The following RNF166 variants were observed in gnomAD, a reference collection of about 807,000 sequenced individuals.
RNF166 encodes E3 ubiquitin-protein ligase RNF166.
RNF166 carries 19 observed loss-of-function variants against 29.4 expected under a neutral mutation model. The ratio of observed to expected loss-of-function variants is 0.65; its 90% confidence interval spans 0.45 to 0.95. The LOEUF is 0.95. RNF166 is among the 40% of genes least tolerant of loss of function. The pLI, the probability that RNF166 is intolerant of heterozygous loss-of-function variation, is 0.00. For synonymous variants in RNF166, 171 were observed against 134.5 expected (o/e 1.27, Z -1.88); for missense variants, 347 against 322.1 (o/e 1.08, Z -0.59).
intron 5 of RNF166, chr16:88,698,125 G>A (rs1399037826): frequency 1.4e-5 from 8 of 589,868 alleles, no homozygotes; most frequent in Non-Finnish European, 2.1e-5. Context: ...CCTGACCCGC[G>A]GCGGGTGGGA....
Position 88,702,976 on chromosome 16 carries a change from C to T in RNF166, c.156-1558G>A, listed in dbSNP as rs550156622. The T allele has an allele frequency of 4.7e-4, 467 of 985,530 alleles. No homozygotes were observed. The African/African-American group carries it at 5.6e-3, about 12-fold the overall frequency. 61.0% of individuals were successfully genotyped at this position (985,530 alleles called of 1,614,324 possible). A position where few individuals can be genotyped will look rare whatever the true frequency, so the allele number is the denominator to read the frequency against. ...GAGAAGCGGAAGCAGCTCAGGTGCC[C>T]GTCGGTAAACGGATGAAGAGACGGC... On this transcript the variant is annotated intron_variant, in intron 1 of 5. Coordinates refer to ENST00000312838, the MANE Select transcript of RNF166 (RefSeq NM_178841.4).
At chr16:88,701,772 G>C in intron 1 of RNF166, 1 of 256,818 alleles carries the variant, frequency 3.9e-6, no homozygotes. Context: ...ACAACACCTG[G>C]GTGGGCTGTG....
intron 2 of RNF166, 35 bp downstream of exon 2, chr16:88,701,227 A>T (rs1910191866): frequency 6.2e-7 from 1 of 1,612,482 alleles, no homozygotes; most frequent in Non-Finnish European, 8.5e-7. Context: ...CCATCAAGTG[A>T]CCCCGGCTCC....
At chr16:88,703,573 C>A (rs2142669872) in intron 1 of RNF166, 5 of 985,412 alleles carry the variant, frequency 5.1e-6, no homozygotes, top group Non-Finnish European at 6.0e-6. Context: ...GGCCTAGTTT[C>A]CAGTGACTGC....
chr16:88,703,714 G>A (rs745914895), intron 1 of RNF166: 7 of 985,406 alleles, frequency 7.1e-6, no homozygotes, highest in Non-Finnish European at 8.4e-6. Flanking sequence ...AGGGCGATGG[G>A]TGTGGGGGCG....
At position 88,706,257 on chromosome 16, in the gene RNF166, G is replaced by T; in HGVS notation, c.69C>A (p.Gly23=). The T allele has an allele frequency of 7.7e-7, 1 of 1,297,276 alleles. No homozygotes were observed. The highest frequency in any genetic ancestry group is 9.8e-7 in the Non-Finnish European group (1 of 1,020,440). 80.4% of individuals were successfully genotyped at this position (1,297,276 alleles called of 1,614,324 possible). The change falls in exon 1 of 6, where the codon GGC becomes GGA. Residue 23 remains glycine (G), a synonymous_variant. Coordinates refer to ENST00000312838, the MANE Select transcript of RNF166 (RefSeq NM_178841.4). The stretch of plus-strand genomic sequence containing the variant: ...TGTACTGCGCCTCCAGGCCGCTGTC[G>T]CCGCCCGCCGGCCCGGCCGGCGGCT... ...QRQPPAGPAG[G]DSGLEAQYTC...
chr16:88,699,145 G>C (rs1054812936), intron 3 of RNF166, 60 bp from the exon 4 acceptor site: 1 of 1,186,490 alleles, frequency 8.4e-7, no homozygotes, highest in South Asian at 1.3e-5. Flanking sequence ...CTGCCTCCCC[G>C]CTTCTCTCAA....
intron 1 of RNF166, 137 bp from the exon 2 acceptor site, chr16:88,701,555 G>T: frequency 1.2e-6 from 1 of 825,462 alleles, no homozygotes. Context: ...CGCCGTCTCT[G>T]GAGATGGTCA....
chr16:88,700,633 C>A, intron 2 of RNF166: 1 of 986,690 alleles, frequency 1.0e-6, no homozygotes, highest in East Asian at 1.1e-4. Context: ...GCTGCTCAGT[C>A]CTCCGGAAGC....
At chr16:88,698,470 G>T (rs1038751290) in intron 5 of RNF166, 32 bp downstream of exon 5, 1 of 1,501,850 alleles carries the variant, frequency 6.7e-7, no homozygotes, top group Non-Finnish European at 9.1e-7. Context: ...TGAGGAGGGC[G>T]TGGGGGAGGA....
Position 88,699,645 on chromosome 16 carries a change from C to A in RNF166, c.400G>T (p.Val134Leu). The part of the protein sequence containing the change: ...MANCPKFVPV[V>L]PTSQPIPSNI... ...CTGGGGATAGGCTGTGATGTGGGCA[C>A]CACGGGGACGAACTTGGGGCAGTTG... The change falls in exon 3 of 6, where the codon GTG becomes TTG. Residue 134 changes from valine to leucine, a missense_variant. Transcript: ENST00000312838. The A allele has an allele frequency of 6.2e-7, 1 of 1,613,376 alleles. No individual in the cohort carries two copies. Among genetic ancestry groups the A allele is most frequent in the Non-Finnish European group, 8.5e-7 (1 of 1,179,818 alleles).
rs969722253 is a variant in RNF166 at position 88,703,880 on chromosome 16, C to T, written c.155+2291G>A. The T allele has an allele frequency of 1.2e-5, 12 of 985,360 alleles. No individual in the cohort carries two copies. The Admixed American group carries it at 4.3e-4, about 35-fold the overall frequency. The allele number at this position is 985,360 out of a possible 1,614,324, so 61.0% of individuals were successfully genotyped here. A position where few individuals can be genotyped will look rare whatever the true frequency, so the allele number is the denominator to read the frequency against. Reference sequence around the variant, plus strand: ...TGCCTGGCTGGCAGGCCAGCACCCTCAGCAAGCCCCACAGCTGTCCTGCAC... The same window carrying T: ...TGCCTGGCTGGCAGGCCAGCACCCTTAGCAAGCCCCACAGCTGTCCTGCAC... On this transcript the variant is annotated intron_variant, in intron 1 of 5. Coordinates refer to ENST00000312838, the MANE Select transcript of RNF166 (RefSeq NM_178841.4).
intron 1 of RNF166, chr16:88,702,856 C>T (rs946822785): frequency 2.3e-5 from 23 of 985,350 alleles, no homozygotes; most frequent in African/African-American, 1.7e-5. Context: ...GCCGGGGGGG[C>T]CGCCTACTTC....
At chr16:88,704,229 T>C (rs896838200) in intron 1 of RNF166, 6 of 985,350 alleles carry the variant, frequency 6.1e-6, no homozygotes. Context: ...GTCATTTGCA[T>C]GCATGCCTTA....
rs1316506967 is a variant in RNF166, at chr16:88,706,396, A to C, written c.-71T>G. 4.1e-6 allele frequency: 5 copies of C among 1,221,708 alleles called. No individual in the cohort carries two copies. Among genetic ancestry groups the C allele is most frequent in the Non-Finnish European group, 4.1e-6 (4 of 972,920 alleles). 75.7% of individuals were successfully genotyped at this position (1,221,708 alleles called of 1,614,324 possible). ...GGCCGGCCCGCTAGTCACAGCCGCTACTGCGCCGCGCTGACGTCATCGTAG... is the reference window on the plus strand; with the variant it reads ...GGCCGGCCCGCTAGTCACAGCCGCTCCTGCGCCGCGCTGACGTCATCGTAG... On this transcript the variant is annotated 5_prime_UTR_variant, in exon 1 of 6. Coordinates refer to ENST00000312838, the MANE Select transcript of RNF166 (RefSeq NM_178841.4).
intron 1 of RNF166, chr16:88,703,777 A>T: frequency 1.5e-5 from 15 of 984,392 alleles, no homozygotes; most frequent in Non-Finnish European, 1.8e-5. Context: ...CCCAGCAGGC[A>T]CCCGGGACTG....
chr16:88,701,799 C>T (rs903562631), intron 1 of RNF166: 5 of 223,010 alleles, frequency 2.2e-5, no homozygotes, highest in Non-Finnish European at 3.6e-5. Flanking sequence ...AGGGACAGCC[C>T]GGGGACTCTG....
chr16:88,702,316 C>T (rs905605021), intron 1 of RNF166, among the ~76,000 whole-genome samples: 11 of 152,148 alleles, frequency 7.2e-5, no homozygotes, highest in South Asian at 4.1e-4. Flanking sequence ...TGAGCTGCGG[C>T]GAGGAGCTGG....
At chr16:88,706,063 T>G (rs954022116) in intron 1 of RNF166, 108 bp downstream of exon 1, 115 of 702,018 alleles carry the variant, frequency 1.6e-4, no homozygotes, top group Non-Finnish European at 2.0e-4. Context: ...GCGCCCCGAG[T>G]CCCCGCGCGC....
Sources: allele counts gnomAD v4.1 joint callset (sites outside exome capture counted in the v4.1 genomes callset), GRCh38; gene constraint gnomAD v4.1.1; transcripts MANE v1.5; gene names NCBI Gene and HGNC (gene_info 2026-07-23, HGNC 2026-07-21).